Variants in APBB2 observed in about 807,000 individuals in gnomAD.
The protein encoded by APBB2 is Fe65-like 1.
A neutral mutation model predicts 82.5 loss-of-function variants in APBB2; 38 were observed. The ratio of observed to expected loss-of-function variants is 0.46; its 90% CI spans 0.36 to 0.60. The LOEUF is 0.60. Among genes scored for constraint, APBB2 ranks in the 20% least tolerant of loss-of-function variants. APBB2 has a pLI of 0.00. For synonymous variants in APBB2, 341 were observed against 368.2 expected, an observed-to-expected ratio of 0.93 and a Z score of 0.85; for missense variants, 772 against 972.3, an observed-to-expected ratio of 0.79 and a Z score of 2.74.
intron 6 of APBB2, among the ~76,000 whole-genome samples, chr4:40,959,556 C>T (rs1458127697): frequency 6.6e-6 from 1 of 152,126 alleles, no homozygotes; most frequent in Non-Finnish European, 1.5e-5. Context: ...TGATTTCCCA[C>T]TTAAGTTAGA....
intron 12 of APBB2, among the ~76,000 whole-genome samples, chr4:40,867,749 A>C (rs539649661): frequency 1.3e-5 from 2 of 152,156 alleles, no homozygotes; most frequent in East Asian, 3.9e-4. Flanking sequence ...CCTACAAAAA[A>C]CTTCTCTTGC....
intron 5 of APBB2, 121 bp from the exon 6 acceptor site, chr4:41,014,519 A>C: frequency 2.5e-5 from 23 of 934,020 alleles, no homozygotes; most frequent in Non-Finnish European, 3.6e-5. Flanking sequence ...ATACATTCTC[A>C]TAGAATGGAC....
chr4:40,861,762 A>G (rs1257661274), intron 12 of APBB2, among the ~76,000 whole-genome samples: 1 of 152,178 alleles, frequency 6.6e-6, no homozygotes, highest in Non-Finnish European at 1.5e-5. Flanking sequence ...TCTCTGATAA[A>G]TATGGTAGCT....
chr4:40,944,826 T>C, intron 7 of APBB2, 39 bp downstream of exon 7: 1 of 1,597,872 alleles, frequency 6.3e-7, no homozygotes, highest in Non-Finnish European at 8.6e-7. Flanking sequence ...ACAAGTTACA[T>C]CTATTCTACT....
At chr4:41,180,436 T>C (rs1771002637) in intron 1 of APBB2, among the ~76,000 whole-genome samples, 1 of 152,028 alleles carries the variant, frequency 6.6e-6, no homozygotes, top group African/African-American at 2.4e-5. Flanking sequence ...TAGACCTTGT[T>C]TCTGCAAAAA....
intron 2 of APBB2, among the ~76,000 whole-genome samples, chr4:41,137,722 T>C (rs149099346): frequency 7.2e-5 from 11 of 152,326 alleles, no homozygotes; most frequent in Admixed American, 3.9e-4. Context: ...TTGTGGTCAA[T>C]TGATTTTCTA....
chr4:40,846,020 GTGTGTGT>G lies in APBB2; in HGVS notation c.1530-15450_1530-15444del, dbSNP rs1757506702. On this transcript the variant is annotated intron_variant, in intron 12 of 17. Coordinates refer to ENST00000508593, the MANE Select transcript of APBB2 (RefSeq NM_004307.2). ...GGGTGGGTGGGTGTGAGTGGGGTGT[GTGTGTGT>G]GTGTGTGTGTGTGTGTGTGTCATTT... Among the ~76,000 whole-genome samples, 7 of 7,168 alleles carry G rather than the reference GTGTGTGT, an allele frequency of 9.8e-4. No individual in the cohort carries two copies. In the Admixed American group the frequency reaches 0.013, roughly 14 times the overall value. The allele number at this position is 7,168 out of a possible 152,430, so 4.7% of individuals were successfully genotyped here.
chr4:41,022,314 G>A (rs1056754365), intron 5 of APBB2, among the ~76,000 whole-genome samples: 7 of 152,220 alleles, frequency 4.6e-5, no homozygotes, highest in African/African-American at 1.7e-4. Flanking sequence ...TTCTTGCGGT[G>A]ATTCTAATCT....
At chr4:41,173,088 C>T (rs1293103139) in intron 1 of APBB2, among the ~76,000 whole-genome samples, 2 of 152,148 alleles carry the variant, frequency 1.3e-5, no homozygotes, top group Non-Finnish European at 2.9e-5. Context: ...TTCTCCAACA[C>T]CAAAGACTCT....
chr4:41,015,266 C>A (rs1269479248), intron 5 of APBB2, among the ~76,000 whole-genome samples: 3 of 152,140 alleles, frequency 2.0e-5, no homozygotes, highest in African/African-American at 7.2e-5. Context: ...ATGTCTCTCG[C>A]TGGGAAGAAA....
At chr4:40,862,093 A>G (rs1193313824) in intron 12 of APBB2, among the ~76,000 whole-genome samples, 3 of 152,238 alleles carry the variant, frequency 2.0e-5, no homozygotes, top group African/African-American at 7.2e-5. Flanking sequence ...TAGAAAAATC[A>G]ATTTTACTTC....
chr4:41,197,904 A>G, intron 1 of APBB2, among the ~76,000 whole-genome samples: 2 of 152,262 alleles, frequency 1.3e-5, no homozygotes, highest in Non-Finnish European at 2.9e-5. Flanking sequence ...AAAATGCAAA[A>G]GAATGAATTT....
chr4:40,869,312 T>C (rs1764822510), intron 12 of APBB2, among the ~76,000 whole-genome samples: 1 of 152,196 alleles, frequency 6.6e-6, no homozygotes, highest in African/African-American at 2.4e-5. Flanking sequence ...CTGGGCACAG[T>C]GGCCCACAAC....
chr4:41,033,371 T>C (rs1395933705), intron 4 of APBB2, 67 bp from the exon 5 acceptor site: 6 of 1,102,316 alleles, frequency 5.4e-6, no homozygotes, highest in Admixed American at 3.1e-5. Flanking sequence ...AAGAAAAGCA[T>C]AGCAGTGAAA....
chr4:40,840,922 G>C (rs1381009850), intron 12 of APBB2, among the ~76,000 whole-genome samples: 2 of 152,146 alleles, frequency 1.3e-5, no homozygotes, highest in Non-Finnish European at 2.9e-5. Flanking sequence ...ACTCTGATGG[G>C]ACTGGCTGTT....
At chr4:40,960,279 T>C (rs772092411) in intron 6 of APBB2, among the ~76,000 whole-genome samples, 10 of 151,962 alleles carry the variant, frequency 6.6e-5, no homozygotes, top group Non-Finnish European at 5.9e-5. Context: ...TCTACCTACA[T>C]TAAAAAAAGA....
At chr4:40,874,388 G>A (rs1376202633) in intron 12 of APBB2, among the ~76,000 whole-genome samples, 1 of 152,252 alleles carries the variant, frequency 6.6e-6, no homozygotes, top group East Asian at 1.9e-4. Flanking sequence ...CTTCAGGGAT[G>A]ATATTACCAA....
intron 3 of APBB2, among the ~76,000 whole-genome samples, chr4:41,098,286 G>A (rs538387476): frequency 1.4e-3 from 214 of 152,054 alleles, no homozygotes; most frequent in African/African-American, 5.0e-3. Context: ...CTGGGCTCAC[G>A]TGACCCTCCC....
chr4:40,829,272 T>A (rs550738596), intron 13 of APBB2, among the ~76,000 whole-genome samples: 6 of 152,230 alleles, frequency 3.9e-5, no homozygotes, highest in African/African-American at 1.4e-4. Flanking sequence ...ACTTTTGGAA[T>A]ACTGTGTTCA....
Sources: gnomAD v4.1 joint callset for allele counts (sites outside exome capture counted in the v4.1 genomes callset) on GRCh38, gnomAD v4.1.1 for gene constraint, MANE v1.5 for transcripts, NCBI Gene and HGNC (gene_info 2026-07-23, HGNC 2026-07-21) for gene names.